Variants in DUT observed in about 807,000 individuals in gnomAD.
The protein encoded by DUT is deoxyuridine triphosphatase.
A neutral mutation model predicts 28.8 loss-of-function variants in DUT; 21 were observed. The observed-to-expected ratio is 0.73, with a 90% CI of 0.52 to 1.05. The LOEUF (loss-of-function observed/expected upper bound fraction) is 1.05. Ranked by LOEUF, DUT falls within the 50% of genes least tolerant of loss-of-function variation. The pLI, the probability that DUT is intolerant of heterozygous loss-of-function variation, is 0.00. For missense variants in DUT, 344 were observed against 351.8 expected (o/e 0.98, Z 0.18); for synonymous variants, 147 against 143.7 (o/e 1.02, Z -0.17).
rs562509314 is a variant in DUT at position 48,331,610 on chromosome 15, G to C, written c.95G>C (p.Arg32Thr). Residue 32 changes from arginine to threonine, a missense_variant, in exon 1 of 7, where the codon AGG (arginine) becomes ACG (threonine). By Grantham distance (71) the Arg-to-Thr change is moderately conservative. Coordinates refer to ENST00000331200, the MANE Select transcript of DUT (RefSeq NM_001025248.2). ...AMQNARGARQ[R>T]AEAAVLSGPG... ...CAAAACGCGCGAGGCGCACGGCAGA[G>C]GGCCGAAGCCGCGGTACTCTCCGGG... The C allele has an allele frequency of 4.5e-5, 71 of 1,560,474 alleles. 1 individual carries two copies. In the South Asian group the frequency reaches 7.9e-4, roughly 17 times the overall value.
chr15:48,342,152 T>G lies in DUT; in HGVS notation c.*74T>G, dbSNP rs929730848. ...AAAAAAAAAAAGTTTTTGCTTCAAG[T>G]GTTTTGGTGTTTTGCACTTCTGTAA... is the stretch of plus-strand genomic sequence containing the variant. On this transcript the variant is annotated 3_prime_UTR_variant, in exon 7 of 7. Coordinates refer to ENST00000331200, the MANE Select transcript of DUT (RefSeq NM_001025248.2). The G allele has an allele frequency of 1.8e-6, 2 of 1,103,132 alleles. No individual in the cohort carries two copies. The highest frequency in any genetic ancestry group is 2.5e-6 in the Non-Finnish European group (2 of 797,872). The allele number at this position is 1,103,132 out of a possible 1,614,324, so 68.3% of individuals were successfully genotyped here. A position where few individuals can be genotyped will look rare whatever the true frequency, so the allele number is the denominator to read the frequency against.
upstream of DUT, chr15:48,331,354 C>T (rs2042404791): frequency 1.4e-6 from 2 of 1,456,016 alleles, no homozygotes; most frequent in Non-Finnish European, 1.8e-6. Context: ...AGGGCCTGCG[C>T]CATCCCTGGG....
chr15:48,332,216 C>G, intron 1 of DUT, 52 bp from the exon 2 acceptor site: 1 of 1,545,566 alleles, frequency 6.5e-7, no homozygotes, highest in African/African-American at 1.4e-5. Context: ...TCTCCTCTTC[C>G]CCCGGTGGTC....
intron 6 of DUT, 127 bp from the exon 7 acceptor site, chr15:48,341,895 T>C: frequency 1.3e-6 from 1 of 744,910 alleles, no homozygotes; most frequent in East Asian, 2.8e-5. Context: ...CTTTCTGTAA[T>C]CTCCCTTTTG....
chr15:48,331,737 G>A lies in DUT; in HGVS notation c.222G>A (p.Gly74=), dbSNP rs1455229448. ...SQGCRGASTV[G]AAGWKGELPK... ...GCTGCCGCGGAGCCAGTACAGTCGG[G>A]GCCGCTGGCTGGAAGGGCGAGCTTC... The change falls in exon 1 of 7, where the codon GGG becomes GGA. Residue 74 remains glycine (G), a synonymous_variant. Transcript: ENST00000331200. 9 of 1,442,968 alleles carry A rather than the reference G, an allele frequency of 6.2e-6. No individual in the cohort carries two copies. The highest frequency in any genetic ancestry group is 8.2e-6 in the Non-Finnish European group (9 of 1,099,594). The allele number at this position is 1,442,968 out of a possible 1,614,324, so 89.4% of individuals were successfully genotyped here.
In DUT at chr15:48,334,371, A is replaced by G. The variant is rs561345005; in HGVS notation, c.420-46A>G. On this transcript the variant is annotated intron_variant, in intron 2 of 6. Coordinates refer to ENST00000331200, the MANE Select transcript of DUT (RefSeq NM_001025248.2). ...TGGTCACAAAGAAAATATAAAAACA[A>G]TTTTATAAATAGATTTGCAGTTATT... 5 of 1,312,524 alleles carry G rather than the reference A, an allele frequency of 3.8e-6. No homozygotes were observed. The East Asian group carries it at 1.2e-4, about 32-fold the overall frequency. The allele number at this position is 1,312,524 out of a possible 1,614,324, so 81.3% of individuals were successfully genotyped here.
In DUT at chr15:48,331,633, G is replaced by A. The variant is rs930498436; in HGVS notation, c.118G>A (p.Gly40Arg). The A allele has an allele frequency of 6.5e-7, 1 of 1,544,932 alleles. No homozygotes were observed. Among genetic ancestry groups the A allele is most frequent in the South Asian group, 1.2e-5 (1 of 83,510 alleles). Residue 40 changes from glycine to arginine, a missense_variant, in exon 1 of 7, where the codon GGG becomes AGG. By Grantham distance (125) the Gly-to-Arg change is moderately radical (BLOSUM62 -2). Coordinates refer to ENST00000331200, the MANE Select transcript of DUT (RefSeq NM_001025248.2). ...RQRAEAAVLS[G>R]PGPPLGRAAQ... ...GAGGGCCGAAGCCGCGGTACTCTCC[G>A]GGCCAGGCCCGCCCCTCGGCCGCGC...
chr15:48,333,035 G>A (rs560585056), intron 2 of DUT, among the ~76,000 whole-genome samples: 19 of 151,760 alleles, frequency 1.3e-4, no homozygotes, highest in African/African-American at 4.3e-4. Context: ...TTTCCCCAGA[G>A]GCTTGAAGAT....
chr15:48,332,140 G>A (rs1799831993), intron 1 of DUT, 128 bp from the exon 2 acceptor site: 2 of 1,409,750 alleles, frequency 1.4e-6, no homozygotes, highest in Non-Finnish European at 1.8e-6. Flanking sequence ...AGGGGCGGTG[G>A]GTGGGGCGGG....
chr15:48,336,554 C>T (rs1037808733), intron 4 of DUT, among the ~76,000 whole-genome samples: 2 of 152,160 alleles, frequency 1.3e-5, no homozygotes, highest in Admixed American at 6.5e-5. Flanking sequence ...TTAACCCTAC[C>T]TCATGTGGTA....
At chr15:48,331,899 CGGGGG>C in intron 1 of DUT, 104 bp downstream of exon 1, 1 of 12,484 alleles carries the variant, frequency 8.0e-5, no homozygotes, top group Non-Finnish European at 1.3e-4. Context: ...GCGCGGGGGG[CGGGGG>C]GGGTGGGGTG....
intron 3 of DUT, 59 bp downstream of exon 3, chr15:48,334,567 C>A: frequency 7.6e-7 from 1 of 1,312,050 alleles, no homozygotes; most frequent in South Asian, 1.2e-5. Flanking sequence ...ATAGATTCTT[C>A]ATGTTTCATT....
chr15:48,331,112 C>G, upstream of DUT: 2 of 1,458,820 alleles, frequency 1.4e-6, no homozygotes, highest in African/African-American at 1.5e-5. Context: ...CTGTCACCGG[C>G]GCCGAGATGC....
At chr15:48,338,362 G>A (rs1456273786) in intron 4 of DUT, among the ~76,000 whole-genome samples, 3 of 152,204 alleles carry the variant, frequency 2.0e-5, no homozygotes, top group Middle Eastern at 3.4e-3. Flanking sequence ...GTTCTGATAG[G>A]ACTGCTTTAC....
rs1029503049 is a variant in DUT at position 48,342,465 on chromosome 15, T to C, written c.*387T>C. 1 of 153,106 alleles carries C rather than the reference T, an allele frequency of 6.5e-6. No individual in the cohort carries two copies. Among genetic ancestry groups the C allele is most frequent in the Non-Finnish European group, 1.5e-5 (1 of 68,682 alleles). The allele number at this position is 153,106 out of a possible 1,614,324, so 9.5% of individuals were successfully genotyped here. A position where few individuals can be genotyped will look rare whatever the true frequency, so the allele number is the denominator to read the frequency against. Reference sequence around the variant, plus strand: ...CTTATTTTGCTTTAATTGCTTTAAATCTTAAGCAATATTTTTTATTCAGTA... The same window carrying C: ...CTTATTTTGCTTTAATTGCTTTAAACCTTAAGCAATATTTTTTATTCAGTA... On this transcript the variant is annotated 3_prime_UTR_variant, in exon 7 of 7. Transcript: ENST00000331200.
intron 2 of DUT, 42 bp downstream of exon 2, chr15:48,332,448 C>G (rs1203613342): frequency 1.4e-6 from 2 of 1,458,762 alleles, no homozygotes; most frequent in Non-Finnish European, 1.8e-6. Context: ...GAAGGGCCGG[C>G]CGTCCGCTGC....
chr15:48,333,857 CTCCTT>C (rs2042446158), intron 2 of DUT, among the ~76,000 whole-genome samples: 1 of 152,172 alleles, frequency 6.6e-6, no homozygotes, highest in Non-Finnish European at 1.5e-5. Flanking sequence ...ACCCGTTTTT[CTCCTT>C]TCCTTCTGCA....
intron 2 of DUT, 145 bp downstream of exon 2, chr15:48,332,551 T>C: frequency 1.3e-6 from 1 of 795,680 alleles, no homozygotes; most frequent in Non-Finnish European, 2.0e-6. Flanking sequence ...TTAGCTTTCA[T>C]CTTTGGCATA....
Position 48,331,612 on chromosome 15 carries a change from G to T in DUT, c.97G>T (p.Ala33Ser), listed in dbSNP as rs2042410688. 1 of 1,557,160 alleles carries T rather than the reference G, an allele frequency of 6.4e-7. No homozygotes were observed. Among genetic ancestry groups the T allele is most frequent in the Non-Finnish European group, 8.7e-7 (1 of 1,152,634 alleles). Residue 33 changes from alanine (A) to serine (S), a missense_variant, in exon 1 of 7, where the codon GCC becomes TCC. Ala to Ser is a moderately conservative substitution (Grantham distance 99). Transcript: ENST00000331200. ...MQNARGARQRAEAAVLSGPGP... is the reference protein window; with the variant it reads ...MQNARGARQRSEAAVLSGPGP... ...AAACGCGCGAGGCGCACGGCAGAGG[G>T]CCGAAGCCGCGGTACTCTCCGGGCC...
Sources: allele counts gnomAD v4.1 joint callset (sites outside exome capture counted in the v4.1 genomes callset), GRCh38; gene constraint gnomAD v4.1.1; transcripts MANE v1.5; gene names NCBI Gene and HGNC (gene_info 2026-07-23, HGNC 2026-07-21).